CWC22: variants seen among roughly 807,000 people sequenced by gnomAD.
CWC22 encodes pre-mRNA-splicing factor CWC22 homolog.
CWC22 carries 53 observed loss-of-function variants against 117.2 expected under a neutral mutation model. The observed-to-expected ratio is 0.45, with a 90% confidence interval of 0.36 to 0.57. The LOEUF (loss-of-function observed/expected upper bound fraction) is 0.57, where lower values mean the gene tolerates loss of function less well. Ranked by LOEUF, CWC22 falls within the 20% of genes least tolerant of loss-of-function variation. CWC22 has a pLI of 0.00. For synonymous variants in CWC22, 360 were observed against 355.6 expected, an observed-to-expected ratio of 1.01 and a Z score of -0.14; for missense variants, 980 against 1,068.8, an observed-to-expected ratio of 0.92 and a Z score of 1.16.
intron 6 of CWC22, among the ~76,000 whole-genome samples, 189 bp downstream of exon 6, chr2:179,978,001 C>G (rs1315937399): frequency 6.6e-6 from 1 of 152,136 alleles, no homozygotes. Context: ...TTCCATACAA[C>G]CTCTAACAGC....
intron 5 of CWC22, among the ~76,000 whole-genome samples, chr2:179,979,549 T>C (rs963722584): frequency 6.6e-6 from 1 of 152,180 alleles, no homozygotes; most frequent in African/African-American, 2.4e-5. Flanking sequence ...TCTGGAGTGG[T>C]ACAAGGAAGG....
chr2:179,979,451 C>T (rs1362219963), intron 5 of CWC22, among the ~76,000 whole-genome samples: 1 of 152,070 alleles, frequency 6.6e-6, no homozygotes, highest in Non-Finnish European at 1.5e-5. Flanking sequence ...AATAAAGATT[C>T]AATTTTTTCC....
chr2:180,001,070 T>C (rs1028274539), intron 1 of CWC22, among the ~76,000 whole-genome samples: 20 of 152,210 alleles, frequency 1.3e-4, no homozygotes, highest in African/African-American at 4.6e-4. Flanking sequence ...TCTATGAGAA[T>C]AGAAATTTGT....
rs759810918 is a variant in CWC22, at chr2:179,973,630, A to G, written c.750+4T>C. On this transcript the variant is annotated splice_donor_region_variant and intron_variant, in intron 7 of 19. Transcript: ENST00000410053. ...CATTCTACTTACAAGCCATTCATATATACCTTGTCATTTCTTCGATAGCCT... is the reference window on the plus strand; with the variant it reads ...CATTCTACTTACAAGCCATTCATATGTACCTTGTCATTTCTTCGATAGCCT... The G allele has an allele frequency of 3.2e-6, 5 of 1,565,050 alleles. No individual in the cohort carries two copies. The highest frequency in any genetic ancestry group is 4.4e-6 in the Non-Finnish European group (5 of 1,146,062).
chr2:179,965,505 A>G (rs190541096), intron 12 of CWC22, among the ~76,000 whole-genome samples: 29 of 152,350 alleles, frequency 1.9e-4, no homozygotes, highest in African/African-American at 7.0e-4. Flanking sequence ...CTCATTTGTC[A>G]CATTCCTGCC....
intron 4 of CWC22, among the ~76,000 whole-genome samples, chr2:179,984,774 C>G (rs527996924): frequency 3.3e-5 from 5 of 152,080 alleles, no homozygotes; most frequent in African/African-American, 1.2e-4. Flanking sequence ...AGACAAATCA[C>G]AGTTCCTTTA....
rs1406013995 is a variant in CWC22 at position 179,945,833 on chromosome 2, C to T, written c.2141-118G>A. ...TAACTCAGATAAACTAGGTGCAAAG[C>T]CAAATTGATTGAATAGAAAGTCTGA... is the stretch of plus-strand genomic sequence containing the variant. On this transcript the variant is annotated intron_variant, in intron 19 of 19. Coordinates refer to ENST00000410053, the MANE Select transcript of CWC22 (RefSeq NM_020943.3). The T allele has an allele frequency of 6.4e-6, 4 of 624,908 alleles. No homozygotes were observed. In the African/African-American group the frequency reaches 7.4e-5, roughly 12 times the overall value. 38.7% of individuals were successfully genotyped at this position (624,908 alleles called of 1,614,324 possible).
At chr2:179,979,724 A>G (rs1687241427) in intron 5 of CWC22, among the ~76,000 whole-genome samples, 1 of 152,208 alleles carries the variant, frequency 6.6e-6, no homozygotes, top group Non-Finnish European at 1.5e-5. Flanking sequence ...CCCAAGGTGG[A>G]CTATTCCACT....
intron 14 of CWC22, among the ~76,000 whole-genome samples, chr2:179,957,258 A>G (rs1424245684): frequency 6.6e-6 from 1 of 152,198 alleles, no homozygotes; most frequent in Admixed American, 6.5e-5. Flanking sequence ...ACTATTACTA[A>G]TATACCAATA....
At chr2:179,976,750 G>C (rs1277474996) in intron 6 of CWC22, among the ~76,000 whole-genome samples, 1 of 152,168 alleles carries the variant, frequency 6.6e-6, no homozygotes, top group Non-Finnish European at 1.5e-5. Flanking sequence ...ATGAAAAATA[G>C]CAAGTGTTGC....
In CWC22 at chr2:179,973,787, C is replaced by T. The variant is rs775020932; in HGVS notation, c.597G>A (p.Arg199=). The change falls in exon 7 of 20, where the codon AGG becomes AGA. Residue 199 remains arginine (R), a synonymous_variant. Transcript: ENST00000410053. The part of the protein sequence containing the change: ...NIVRGRGLLS[R]SVLQAQSASP... ...AAGCACTCTGTGCTTGCAAAACAGA[C>T]CTGGACAGCAGTCCTCTGTTTAAAA... The T allele has an allele frequency of 6.3e-7, 1 of 1,592,414 alleles. No individual in the cohort carries two copies. Among genetic ancestry groups the T allele is most frequent in the Non-Finnish European group, 8.6e-7 (1 of 1,168,982 alleles).
intron 16 of CWC22, among the ~76,000 whole-genome samples, chr2:179,953,022 T>C (rs1686492557): frequency 6.6e-6 from 1 of 152,116 alleles, no homozygotes; most frequent in South Asian, 2.1e-4. Flanking sequence ...GAAAGTATAA[T>C]GGTTTATTCT....
intron 11 of CWC22, among the ~76,000 whole-genome samples, chr2:179,968,005 C>T (rs1423770072): frequency 1.3e-5 from 2 of 152,140 alleles, no homozygotes; most frequent in Non-Finnish European, 2.9e-5. Context: ...TCTCTGTGAG[C>T]TTGTGAGTTC....
In CWC22 at chr2:179,966,407, C is replaced by G. The variant is rs561912183; in HGVS notation, c.1211-425G>C. On this transcript the variant is annotated intron_variant, in intron 11 of 19. Transcript: ENST00000410053. Reference sequence around the variant, plus strand: ...AACAAGAATTTAGGCTAAGAATGTACTTGGAAAGACAAAGAAGGGAGAGAA... The same window carrying G: ...AACAAGAATTTAGGCTAAGAATGTAGTTGGAAAGACAAAGAAGGGAGAGAA... Among the ~76,000 whole-genome samples, 123 of 152,166 alleles carry G rather than the reference C, an allele frequency of 8.1e-4. No homozygotes were observed. In the South Asian group the frequency reaches 0.025, roughly 31 times the overall value.
chr2:179,958,820 A>C lies in CWC22; in HGVS notation c.1458+202T>G, dbSNP rs187974764. ...TCTTTTTACCATATCTCATTTGAGC[A>C]GAAAATTTAATTCACTGGAGTGAGC... On this transcript the variant is annotated intron_variant, in intron 14 of 19. Transcript: ENST00000410053. Among the ~76,000 whole-genome samples, 836 of 152,350 alleles carry C rather than the reference A, an allele frequency of 5.5e-3. 7 individuals are homozygous for C. Among genetic ancestry groups the C allele is most frequent in the African/African-American group, 0.019 (784 of 41,582 alleles).
At position 179,981,926 on chromosome 2, in the gene CWC22, G is replaced by A. The variant is rs754960321; in HGVS notation, c.278C>T (p.Ser93Phe). ...TGTTTCTGGGTTTCTCCTCCCAGGAGATGGGGATTTCCGAGACCTTTTCCG... is the reference window on the plus strand; with the variant it reads ...TGTTTCTGGGTTTCTCCTCCCAGGAAATGGGGATTTCCGAGACCTTTTCCG... The part of the protein sequence containing the change: ...TDRKRSRKSP[S>F]PGRRNPETSV... The change falls in exon 5 of 20, where the codon TCT (serine) becomes TTT (phenylalanine). Residue 93 changes from serine to phenylalanine, a missense_variant. Ser to Phe is a radical substitution (Grantham distance 155). Coordinates refer to ENST00000410053, the MANE Select transcript of CWC22 (RefSeq NM_020943.3). The A allele has an allele frequency of 3.8e-6, 6 of 1,585,228 alleles. No homozygotes were observed. The Admixed American group carries it at 9.1e-5, about 24-fold the overall frequency.
chr2:179,953,904 C>A (rs562242802), intron 16 of CWC22, among the ~76,000 whole-genome samples: 1 of 152,048 alleles, frequency 6.6e-6, no homozygotes, highest in African/African-American at 2.4e-5. Flanking sequence ...TGTGCATGCA[C>A]GTGTGTGTAC....
chr2:179,976,806 T>C (rs1041052672), intron 6 of CWC22, among the ~76,000 whole-genome samples: 1 of 152,156 alleles, frequency 6.6e-6, no homozygotes, highest in African/African-American at 2.4e-5. Context: ...TTGGTAGAAA[T>C]ATAAATTAGT....
chr2:179,957,878 C>T (rs966299264), intron 14 of CWC22, among the ~76,000 whole-genome samples: 7 of 151,590 alleles, frequency 4.6e-5, no homozygotes, highest in African/African-American at 1.7e-4. Flanking sequence ...ACTTTATCTA[C>T]TTAATCTGAT....
Sources: gnomAD v4.1 joint callset for allele counts (sites outside exome capture counted in the v4.1 genomes callset) on GRCh38, gnomAD v4.1.1 for gene constraint, MANE v1.5 for transcripts, NCBI Gene and HGNC (gene_info 2026-07-23, HGNC 2026-07-21) for gene names.